The following GREB1L variants were observed in gnomAD, a reference collection of about 807,000 sequenced individuals.
GREB1L encodes GREB1 like retinoic acid receptor coactivator, also known as GREB1-like protein.
A neutral mutation model predicts 200.8 loss-of-function variants in GREB1L; 17 were observed. The observed-to-expected ratio is 0.08, with a 90% CI of 0.06 to 0.13. The LOEUF is 0.13. Ranked by LOEUF, GREB1L falls within the 10% of genes least tolerant of loss-of-function variation. GREB1L has a pLI of 1.00. For missense variants in GREB1L, 1,657 were observed against 2,367.7 expected (o/e 0.70, Z 6.23); for synonymous variants, 789 against 893.0 (o/e 0.88, Z 2.08).
intron 1 of GREB1L, among the ~76,000 whole-genome samples, chr18:21,253,523 T>C (rs1206374402): frequency 1.3e-5 from 2 of 152,152 alleles, no homozygotes; most frequent in Non-Finnish European, 2.9e-5. Context: ...AGTGCTGGAA[T>C]TATAGGTGTG....
chr18:21,485,157 ATTTG>A (rs2082507047), intron 17 of GREB1L, among the ~76,000 whole-genome samples: 1 of 152,182 alleles, frequency 6.6e-6, no homozygotes, highest in African/African-American at 2.4e-5. Flanking sequence ...TTAAAGTAAA[ATTTG>A]TTTGCAAAGA....
intron 1 of GREB1L, among the ~76,000 whole-genome samples, chr18:21,318,673 C>G (rs1832356281): frequency 6.6e-6 from 1 of 152,168 alleles, no homozygotes; most frequent in Admixed American, 6.5e-5. Context: ...GGTAAATATG[C>G]CAGTATAAGA....
In GREB1L at chr18:21,523,110, G is replaced by A. The variant is rs1293173590; in HGVS notation, c.*289G>A. 8.1e-6 allele frequency: 2 copies of A among 247,876 alleles called. No homozygotes were observed. The highest frequency in any genetic ancestry group is 4.5e-5 in the African/African-American group (2 of 44,738). 15.4% of individuals were successfully genotyped at this position (247,876 alleles called of 1,614,324 possible). ...GATCCTGAGGAGGATATACTTTGGAGAGTGAATATGGAGTTTGCATTATTT... is the reference window on the plus strand; with the variant it reads ...GATCCTGAGGAGGATATACTTTGGAAAGTGAATATGGAGTTTGCATTATTT... On this transcript the variant is annotated 3_prime_UTR_variant, in exon 33 of 33. Coordinates refer to ENST00000424526, the MANE Select transcript of GREB1L (RefSeq NM_001142966.3).
At chr18:21,425,323 C>A (rs1308405385) in intron 7 of GREB1L, among the ~76,000 whole-genome samples, 2 of 152,246 alleles carry the variant, frequency 1.3e-5, no homozygotes, top group East Asian at 1.9e-4. Flanking sequence ...GGGTTATTTC[C>A]ATTTTGGAGC....
chr18:21,397,541 A>AAAAT lies in GREB1L; in HGVS notation c.532+1982_532+1983insATAA, dbSNP rs1555637997. Among the ~76,000 whole-genome samples the AAAAT allele has an allele frequency of 1.9e-3, 235 of 126,128 alleles. 4 individuals carry two copies. Among genetic ancestry groups the AAAAT allele is most frequent in the African/African-American group, 7.7e-3 (228 of 29,568 alleles). The allele number at this position is 126,128 out of a possible 152,430, so 82.7% of individuals were successfully genotyped here. ...CTCCGTCTCAAAAAAAAAAAAAAAA[A>AAAAT]AATAATAATAATAATTAGCTGGGCG... On this transcript the variant is annotated intron_variant, in intron 5 of 32. Transcript: ENST00000424526.
intron 1 of GREB1L, among the ~76,000 whole-genome samples, chr18:21,254,152 T>C (rs1240866247): frequency 6.8e-6 from 1 of 146,894 alleles, no homozygotes; most frequent in African/African-American, 2.6e-5. Flanking sequence ...TCATTGCAGC[T>C]TCCACCTCCC....
At chr18:21,395,273 T>C (rs927621671) in intron 4 of GREB1L, 112 bp from the exon 5 acceptor site, 2 of 839,434 alleles carry the variant, frequency 2.4e-6, no homozygotes, top group African/African-American at 3.5e-5. Flanking sequence ...GGGACTTTAA[T>C]TTAGTCTGTA....
chr18:21,368,097 A>G (rs1276237218), intron 2 of GREB1L, among the ~76,000 whole-genome samples: 1 of 152,238 alleles, frequency 6.6e-6, no homozygotes, highest in African/African-American at 2.4e-5. Flanking sequence ...ATAAAATGAT[A>G]AGGCCTATAA....
chr18:21,307,757 G>A (rs1227129882), intron 1 of GREB1L, among the ~76,000 whole-genome samples: 3 of 152,104 alleles, frequency 2.0e-5, no homozygotes, highest in Non-Finnish European at 2.9e-5. Flanking sequence ...TCGGGGGCGG[G>A]GGGGAGGAGT....
chr18:21,377,770 T>G (rs1279318415), intron 2 of GREB1L, among the ~76,000 whole-genome samples: 1 of 151,864 alleles, frequency 6.6e-6, no homozygotes, highest in East Asian at 1.9e-4. Flanking sequence ...ATTAGCCAGG[T>G]GTGGTGGGGG....
At chr18:21,401,392 A>G in intron 6 of GREB1L, 66 bp downstream of exon 6, 1 of 1,331,188 alleles carries the variant, frequency 7.5e-7, no homozygotes, top group Non-Finnish European at 1.0e-6. Flanking sequence ...AGTGACCCAT[A>G]CAAGATTCAG....
intron 1 of GREB1L, among the ~76,000 whole-genome samples, chr18:21,321,840 G>A (rs868514771): frequency 3.9e-5 from 6 of 152,130 alleles, no homozygotes; most frequent in African/African-American, 4.8e-5. Flanking sequence ...TTTAACATTT[G>A]TTCTTGGTTA....
intron 17 of GREB1L, 65 bp from the exon 18 acceptor site, chr18:21,485,555 T>A: frequency 6.9e-7 from 1 of 1,443,688 alleles, no homozygotes; most frequent in Non-Finnish European, 9.3e-7. Context: ...TAAACCCCAC[T>A]TTCTGGAAAA....
chr18:21,305,254 G>A (rs1437725289), intron 1 of GREB1L, among the ~76,000 whole-genome samples: 1 of 152,130 alleles, frequency 6.6e-6, no homozygotes, highest in Non-Finnish European at 1.5e-5. Flanking sequence ...GATTACAGAT[G>A]TGACCCACTG....
chr18:21,399,000 G>A (rs1235664482), intron 5 of GREB1L, among the ~76,000 whole-genome samples: 1 of 152,128 alleles, frequency 6.6e-6, no homozygotes, highest in Non-Finnish European at 1.5e-5. Flanking sequence ...ACTCTTTTAT[G>A]TTGTTAACTC....
rs2036704395 is a variant in GREB1L at position 21,499,875 on chromosome 18, G to A, written c.3538G>A (p.Glu1180Lys). The A allele has an allele frequency of 1.3e-6, 2 of 1,550,778 alleles. No homozygotes were observed. The highest frequency in any genetic ancestry group is 1.4e-5 in the African/African-American group (1 of 73,132). ...CAGCTCAGCTGGAGCCGGAGCCGGG[G>A]AGACTCTGAAGCAGGAATGTGACTC... ...SASSAGAGAGETLKQECDSLG... is the reference protein window; with the variant it reads ...SASSAGAGAGKTLKQECDSLG... Residue 1180 changes from glutamate (E) to lysine (K), a missense_variant, in exon 22 of 33, where the codon GAG becomes AAG. Physicochemically the swap from Glu to Lys is moderately conservative, Grantham distance 56. This residue lies in a region of GREB1L where 512 missense variants were observed against 668.3 expected (regional missense o/e 0.77). Transcript: ENST00000424526.
intron 15 of GREB1L, among the ~76,000 whole-genome samples, chr18:21,455,570 C>G (rs1209085535): frequency 6.6e-6 from 1 of 151,792 alleles, no homozygotes; most frequent in Non-Finnish European, 1.5e-5. Context: ...GTTATCCCAG[C>G]TACTTGGGAG....
rs754785611 is a variant in GREB1L at position 21,395,816 on chromosome 18, G to A, written c.532+255G>A. Among the ~76,000 whole-genome samples the A allele has an allele frequency of 8.1e-4, 122 of 149,762 alleles. 1 individual carries two copies. Among genetic ancestry groups the A allele is most frequent in the Admixed American group, 2.5e-3 (37 of 14,910 alleles). ...GCAGTCTAGGCTCACTGCAACCTCT[G>A]CCTCCCAGGTTCAAGTGATTCTCCT... On this transcript the variant is annotated intron_variant, in intron 5 of 32. Transcript: ENST00000424526.
At chr18:21,515,748 G>GC in intron 29 of GREB1L, 104 bp downstream of exon 29, 1 of 841,920 alleles carries the variant, frequency 1.2e-6, no homozygotes. Context: ...CAGTTGAGAA[G>GC]CTGACTCTTT....
Sources: gnomAD v4.1 joint callset for allele counts (sites outside exome capture counted in the v4.1 genomes callset) on GRCh38, gnomAD v4.1.1 for gene constraint, gnomAD v4.1.1 regional missense constraint, MANE v1.5 for transcripts, NCBI Gene and HGNC (gene_info 2026-07-23, HGNC 2026-07-21) for gene names.